PHF21B: variants seen among roughly 807,000 people sequenced by gnomAD.
PHF21B encodes PHD finger protein 21B, also known as PHD finger protein 4.
In PHF21B, 22 loss-of-function variants were observed where a neutral mutation model predicts 62.2. The observed-to-expected ratio is 0.35, with a 90% confidence interval of 0.25 to 0.51. The LOEUF (loss-of-function observed/expected upper bound fraction) is 0.51. Among genes scored for constraint, PHF21B ranks in the 20% least tolerant of loss-of-function variants. The pLI is 0.97. For missense variants in PHF21B, 701 were observed against 707.9 expected (o/e 0.99, Z 0.11); for synonymous variants, 341 against 314.7 (o/e 1.08, Z -0.88).
intron 2 of PHF21B, among the ~76,000 whole-genome samples, chr22:44,950,134 C>T (rs780618689): frequency 2.0e-5 from 3 of 152,226 alleles, no homozygotes; most frequent in South Asian, 2.1e-4. Flanking sequence ...TAATCAAAGA[C>T]GTGAATACCA....
intron 10 of PHF21B, among the ~76,000 whole-genome samples, chr22:44,886,655 C>A (rs888451269): frequency 6.6e-6 from 1 of 151,822 alleles, no homozygotes; most frequent in Non-Finnish European, 1.5e-5. Context: ...CTCCTGCACT[C>A]TAGCCTGTGA....
intron 1 of PHF21B, 142 bp from the exon 2 acceptor site, chr22:45,008,752 T>TGC (rs1481238100): frequency 1.7e-6 from 2 of 1,149,138 alleles, no homozygotes; most frequent in Non-Finnish European, 2.1e-6. Context: ...GGCCGCGTCC[T>TGC]GCACGCGCGG....
chr22:44,945,309 G>A (rs1024757187), intron 2 of PHF21B, among the ~76,000 whole-genome samples: 1 of 152,164 alleles, frequency 6.6e-6, no homozygotes. Flanking sequence ...TCTGACCCAG[G>A]CTCCCCCAGC....
intron 5 of PHF21B, among the ~76,000 whole-genome samples, chr22:44,900,610 A>G (rs1380508025): frequency 2.0e-5 from 3 of 152,142 alleles, no homozygotes; most frequent in South Asian, 4.1e-4. Context: ...TAGATTTACA[A>G]CTTTTTATCT....
Position 45,009,495 on chromosome 22 carries a change from C to T in PHF21B, c.54+1G>A. ...CCCGGGCCCGGCCCCCGGCCACCTA[C>T]CTGGTGGCGCGCGAGTTCCACGGCG... On this transcript the variant is annotated splice_donor_variant, in intron 1 of 12. Transcript: ENST00000313237. LOFTEE classifies it high-confidence loss of function. This position sits in a 1 kb window ranked among gnomAD's most constrained non-coding sequence, Gnocchi z 5.9. The T allele has an allele frequency of 6.5e-7, 1 of 1,548,212 alleles. No homozygotes were observed. The highest frequency in any genetic ancestry group is 8.7e-7 in the Non-Finnish European group (1 of 1,155,190).
intron 2 of PHF21B, among the ~76,000 whole-genome samples, chr22:44,944,224 G>A (rs1322580030): frequency 6.6e-6 from 1 of 152,230 alleles, no homozygotes; most frequent in Non-Finnish European, 1.5e-5. Context: ...GATGGCAAAG[G>A]TGCCCTGAGC....
At chr22:44,971,967 C>CTG (rs1259156067) in intron 2 of PHF21B, among the ~76,000 whole-genome samples, 3 of 152,214 alleles carry the variant, frequency 2.0e-5, no homozygotes, top group Non-Finnish European at 4.4e-5. Context: ...CAACTCCTAT[C>CTG]CCTGGGTTGC....
chr22:44,990,502 C>T (rs1028168779), intron 2 of PHF21B, among the ~76,000 whole-genome samples: 10 of 152,222 alleles, frequency 6.6e-5, no homozygotes, highest in South Asian at 2.1e-4. Flanking sequence ...GAAGTTCTGA[C>T]GCACGCTACA....
intron 2 of PHF21B, among the ~76,000 whole-genome samples, chr22:44,949,616 G>A (rs2147386608): frequency 6.6e-6 from 1 of 152,310 alleles, no homozygotes; most frequent in Middle Eastern, 3.4e-3. Flanking sequence ...TATGCTGCTA[G>A]TGGGGACTAT....
chr22:44,947,548 A>G (rs1324891992), intron 2 of PHF21B, among the ~76,000 whole-genome samples: 6 of 152,184 alleles, frequency 3.9e-5, no homozygotes, highest in Admixed American at 6.5e-5. Context: ...ATCTCCTGGG[A>G]CAGGCTGGGC....
chr22:44,967,193 G>C (rs1227919843), intron 2 of PHF21B: 1 of 151,834 alleles, frequency 6.6e-6, no homozygotes, highest in Non-Finnish European at 1.5e-5. Context: ...ACAGAGGCCG[G>C]GCCACGACAG....
chr22:44,922,936 A>T (rs539191316), intron 2 of PHF21B, among the ~76,000 whole-genome samples: 35 of 152,358 alleles, frequency 2.3e-4, no homozygotes, highest in Middle Eastern at 3.4e-3. Context: ...TCAAAATCTC[A>T]GTCAGCTTTT....
rs1175585243 is a variant in PHF21B, at chr22:44,986,101, TCAC to T, written c.120+22441_120+22443del. 6.5e-3 allele frequency among the ~76,000 whole-genome samples: 851 copies of T among 130,698 alleles called. 12 individuals carry two copies. Among genetic ancestry groups the T allele is most frequent in the African/African-American group, 0.023 (788 of 33,806 alleles). The allele number at this position is 130,698 out of a possible 152,430, so 85.7% of individuals were successfully genotyped here. A position where few individuals can be genotyped will look rare whatever the true frequency, so the allele number is the denominator to read the frequency against. On this transcript the variant is annotated intron_variant, in intron 2 of 12. Transcript: ENST00000313237. Reference sequence around the variant, plus strand: ...ACCATCACTATGACAACCATCCTCATCACCACCATCACCATGACAACCATCACC... The same window carrying T: ...ACCATCACTATGACAACCATCCTCATCACCATCACCATGACAACCATCACC...
chr22:44,926,221 G>A (rs1378270067), intron 2 of PHF21B, among the ~76,000 whole-genome samples: 13 of 151,342 alleles, frequency 8.6e-5, no homozygotes, highest in East Asian at 1.9e-4. Flanking sequence ...AGGCCCACAC[G>A]GCATGTGGGT....
At chr22:44,991,627 T>C (rs962276053) in intron 2 of PHF21B, among the ~76,000 whole-genome samples, 1 of 152,106 alleles carries the variant, frequency 6.6e-6, no homozygotes. Flanking sequence ...GGCAGTCCCT[T>C]ACAGAGCTCG....
At chr22:45,000,927 A>T (rs1339067637) in intron 2 of PHF21B, 2 of 152,164 alleles carry the variant, frequency 1.3e-5, no homozygotes, top group Admixed American at 1.3e-4. Flanking sequence ...ATTTCATCGC[A>T]ATCACCAGGT....
chr22:44,994,959 C>A (rs6007406), intron 2 of PHF21B, among the ~76,000 whole-genome samples: 1 of 152,116 alleles, frequency 6.6e-6, no homozygotes, highest in African/African-American at 2.4e-5. Context: ...CAGCTCAGGC[C>A]GAGAGGCCGC....
At position 44,934,964 on chromosome 22, in the gene PHF21B, G is replaced by A. The variant is rs551644918; in HGVS notation, c.121-14474C>T. Among the ~76,000 whole-genome samples the A allele has an allele frequency of 1.7e-4, 26 of 152,292 alleles. No homozygotes were observed. The East Asian group carries it at 4.8e-3, about 28-fold the overall frequency. On this transcript the variant is annotated intron_variant, in intron 2 of 12. Transcript: ENST00000313237. ...AGCGTGGGAAGAGAAGACATGTGGC[G>A]CTAGGCTTTGGAGAGGAGGACAGTC...
chr22:44,931,093 T>G (rs1012942954), intron 2 of PHF21B, among the ~76,000 whole-genome samples: 7 of 152,204 alleles, frequency 4.6e-5, no homozygotes, highest in African/African-American at 1.7e-4. Flanking sequence ...CTCGCTCTGT[T>G]GCCCCAACTG....
Sources: gnomAD v4.1 joint callset for allele counts (sites outside exome capture counted in the v4.1 genomes callset) on GRCh38, gnomAD v4.1.1 for gene constraint, Gnocchi (gnomAD v3.1) non-coding constraint, MANE v1.5 for transcripts, NCBI Gene and HGNC (gene_info 2026-07-23, HGNC 2026-07-21) for gene names.